TANC2: variants seen among roughly 807,000 people sequenced by gnomAD.
TANC2 encodes tetratricopeptide repeat, ankyrin repeat and coiled-coil containing 2, also known as protein TANC2.
In TANC2, 26 loss-of-function variants were observed where a neutral mutation model predicts 210.5. That is an observed-to-expected ratio of 0.12 (90% CI 0.09 to 0.17). TANC2 has a LOEUF of 0.17. Among genes scored for constraint, TANC2 ranks in the 10% least tolerant of loss-of-function variants. The pLI is 1.00. For missense variants in TANC2, 2,129 were observed against 2,608.9 expected (o/e 0.82, Z 4.01); for synonymous variants, 931 against 967.1 (o/e 0.96, Z 0.69).
chr17:63,363,023 C>T (rs904717336), intron 14 of TANC2, among the ~76,000 whole-genome samples: 2 of 152,224 alleles, frequency 1.3e-5, no homozygotes, highest in Non-Finnish European at 2.9e-5. Flanking sequence ...CCACATCCTT[C>T]TCAGCATTTG....
chr17:63,289,849 C>T (rs765279240), intron 9 of TANC2, among the ~76,000 whole-genome samples: 1 of 152,062 alleles, frequency 6.6e-6, no homozygotes, highest in Non-Finnish European at 1.5e-5. Context: ...GATGAGGAAG[C>T]GTTCTGTAGT....
chr17:62,994,813 C>T (rs1469831570), intron 1 of TANC2, among the ~76,000 whole-genome samples: 1 of 152,162 alleles, frequency 6.6e-6, no homozygotes, highest in Admixed American at 6.5e-5. Flanking sequence ...ATCTGGAGTA[C>T]TGCCATCTGT....
intron 4 of TANC2, among the ~76,000 whole-genome samples, chr17:63,132,808 A>G (rs1360606759): frequency 6.6e-6 from 1 of 152,218 alleles, no homozygotes; most frequent in Non-Finnish European, 1.5e-5. Flanking sequence ...ACATTCCAGC[A>G]ACAAGCCGGA....
intron 7 of TANC2, among the ~76,000 whole-genome samples, chr17:63,216,073 C>T (rs1431409245): frequency 1.3e-5 from 2 of 150,884 alleles, no homozygotes; most frequent in African/African-American, 4.9e-5. Context: ...TTTTGAGACA[C>T]GGTCTTGCTC....
chr17:63,333,782 A>G (rs2045936756), intron 11 of TANC2, among the ~76,000 whole-genome samples: 1 of 152,154 alleles, frequency 6.6e-6, no homozygotes, highest in Non-Finnish European at 1.5e-5. Context: ...ACAGTCACCC[A>G]TCCTTCAGCA....
At chr17:63,004,557 A>T (rs934685259) in intron 1 of TANC2, 1 of 165,774 alleles carries the variant, frequency 6.0e-6, no homozygotes, top group Non-Finnish European at 1.3e-5. Context: ...CCAAAAAGCA[A>T]CAATGAAGTG....
intron 4 of TANC2, among the ~76,000 whole-genome samples, chr17:63,105,943 G>C (rs2037807081): frequency 6.6e-6 from 1 of 151,622 alleles, no homozygotes; most frequent in Non-Finnish European, 1.5e-5. Flanking sequence ...AACTGTTAGA[G>C]ACCACATGTT....
At chr17:63,128,821 G>A (rs1031304948) in intron 4 of TANC2, among the ~76,000 whole-genome samples, 1 of 152,150 alleles carries the variant, frequency 6.6e-6, no homozygotes, top group Admixed American at 6.5e-5. Flanking sequence ...TTATGGTCTT[G>A]TCTGTATATG....
At chr17:63,202,337 G>C (rs1380237478) in intron 7 of TANC2, among the ~76,000 whole-genome samples, 3 of 151,906 alleles carry the variant, frequency 2.0e-5, no homozygotes, top group African/African-American at 7.3e-5. Flanking sequence ...ATGGAAATTG[G>C]GCTTCTGTCC....
intron 25 of TANC2, chr17:63,414,233 G>T: frequency 6.6e-6 from 1 of 152,190 alleles, no homozygotes; most frequent in Non-Finnish European, 1.5e-5. Context: ...CACTGGATCA[G>T]CTGGATTACC....
intron 5 of TANC2, among the ~76,000 whole-genome samples, chr17:63,167,537 A>T (rs1460852693): frequency 6.6e-6 from 1 of 152,122 alleles, no homozygotes; most frequent in Non-Finnish European, 1.5e-5. Context: ...TTATGGTCAC[A>T]TGCCCTTTTA....
At position 63,218,757 on chromosome 17, in the gene TANC2, ATGG is replaced by A. The variant is rs1404061994; in HGVS notation, c.769+17805_769+17807del. On this transcript the variant is annotated intron_variant, in intron 7 of 27. Coordinates refer to ENST00000689528, the Ensembl canonical transcript of TANC2. ...CTAAAAATGCAAAAATTAGCTGGGT[ATGG>A]TGGTAGACACCTGTAATGCTAGCTA... Among the ~76,000 whole-genome samples the A allele has an allele frequency of 2.0e-5, 3 of 152,080 alleles. No homozygotes were observed. In the East Asian group the frequency reaches 5.8e-4, roughly 29 times the overall value.
At chr17:63,331,835 A>AGT (rs72378149) in intron 11 of TANC2, 5,234 of 151,302 alleles carry the variant, frequency 0.035, 124 homozygotes, top group African/African-American at 0.073. Flanking sequence ...GTAAGATAAG[A>AGT]GTGTGTGTGT....
chr17:63,175,895 A>G (rs2040563652), intron 5 of TANC2, among the ~76,000 whole-genome samples: 1 of 152,244 alleles, frequency 6.6e-6, no homozygotes, highest in South Asian at 2.1e-4. Context: ...TGGATGAAAT[A>G]TTTGAACAGT....
chr17:63,417,632 T>C (rs1161601462), intron 26 of TANC2, among the ~76,000 whole-genome samples: 2 of 152,178 alleles, frequency 1.3e-5, no homozygotes, highest in Non-Finnish European at 2.9e-5. Context: ...AAAACGATAA[T>C]TAATGAGCAC....
chr17:63,000,993 A>G (rs1361868037), intron 1 of TANC2, among the ~76,000 whole-genome samples: 9 of 149,034 alleles, frequency 6.0e-5, no homozygotes, highest in South Asian at 2.1e-4. Flanking sequence ...AAAACCCTCT[A>G]TATCTTCAAG....
chr17:63,131,408 T>C (rs1281795775), intron 4 of TANC2, among the ~76,000 whole-genome samples: 4 of 152,312 alleles, frequency 2.6e-5, no homozygotes, highest in Admixed American at 1.3e-4. Flanking sequence ...GGATCACTTG[T>C]TGGTTGATCA....
chr17:63,307,133 C>T (rs1057157139), intron 9 of TANC2, among the ~76,000 whole-genome samples: 1 of 152,034 alleles, frequency 6.6e-6, no homozygotes, highest in Non-Finnish European at 1.5e-5. Context: ...TCATCTAGAG[C>T]CTTGAGCACT....
At chr17:63,007,090 G>T (rs1051364604) in intron 1 of TANC2, among the ~76,000 whole-genome samples, 1 of 152,078 alleles carries the variant, frequency 6.6e-6, no homozygotes, top group Non-Finnish European at 1.5e-5. Flanking sequence ...TTAGTGGTGT[G>T]TGGGAGCTCA....
Sources: gnomAD v4.1 joint callset for allele counts (sites outside exome capture counted in the v4.1 genomes callset) on GRCh38, gnomAD v4.1.1 for gene constraint, MANE v1.5 for transcripts, NCBI Gene and HGNC (gene_info 2026-07-23, HGNC 2026-07-21) for gene names.